Variants in RERE observed in about 807,000 individuals in gnomAD.
RERE encodes arginine-glutamic acid dipeptide repeats.
A neutral mutation model predicts 146.1 loss-of-function variants in RERE; 40 were observed. That is an observed-to-expected ratio of 0.27 (90% CI 0.21 to 0.36). The LOEUF is 0.36. Among genes scored for constraint, RERE ranks in the 10% least tolerant of loss-of-function variants. The pLI is 1.00. For missense variants in RERE, 1,933 were observed against 2,138.7 expected, an observed-to-expected ratio of 0.90 and a Z score of 1.90; for synonymous variants, 1,003 against 866.0, an observed-to-expected ratio of 1.16 and a Z score of -2.78.
intron 1 of RERE, among the ~76,000 whole-genome samples, chr1:8,771,459 G>A (rs1640947829): frequency 6.6e-6 from 1 of 151,218 alleles, no homozygotes; most frequent in African/African-American, 2.4e-5. Flanking sequence ...AGGAGGCAGA[G>A]GTTGCAGTGA....
intron 1 of RERE, among the ~76,000 whole-genome samples, chr1:8,780,487 C>A (rs1308376511): frequency 6.6e-6 from 1 of 152,194 alleles, no homozygotes; most frequent in East Asian, 1.9e-4. Context: ...CATCCTTGAA[C>A]CACTTTACAA....
chr1:8,725,875 T>G (rs1301862873), intron 1 of RERE, among the ~76,000 whole-genome samples: 2 of 152,092 alleles, frequency 1.3e-5, no homozygotes, highest in Non-Finnish European at 2.9e-5. Flanking sequence ...TCTGAAAGGT[T>G]CAACATTAAC....
chr1:8,369,662 G>A (rs1005055013), intron 12 of RERE, among the ~76,000 whole-genome samples: 1 of 151,906 alleles, frequency 6.6e-6, no homozygotes, highest in Non-Finnish European at 1.5e-5. Flanking sequence ...TCCACTGCTG[G>A]TGGAAATACA....
chr1:8,442,110 C>T (rs1310881988), intron 11 of RERE, among the ~76,000 whole-genome samples: 1 of 152,144 alleles, frequency 6.6e-6, no homozygotes, highest in Admixed American at 6.5e-5. Context: ...ACTTGTCGGG[C>T]ATGGTGGCTC....
chr1:8,373,689 C>CAG, intron 12 of RERE, among the ~76,000 whole-genome samples: 1 of 152,178 alleles, frequency 6.6e-6, no homozygotes, highest in Non-Finnish European at 1.5e-5. Context: ...AACGCTGCTG[C>CAG]CGAGTGCAGT....
chr1:8,764,780 G>A (rs1640817547), intron 1 of RERE, among the ~76,000 whole-genome samples: 1 of 152,172 alleles, frequency 6.6e-6, no homozygotes, highest in African/African-American at 2.4e-5. Context: ...TTAGGGAAAT[G>A]CAAATCAAAA....
intron 1 of RERE, among the ~76,000 whole-genome samples, chr1:8,699,401 T>C (rs1200181503): frequency 1.3e-5 from 2 of 152,218 alleles, no homozygotes; most frequent in African/African-American, 4.8e-5. Context: ...ATGATAACAT[T>C]AAAAATTGAG....
chr1:8,401,038 C>CCTATATAT (rs1344568347), intron 12 of RERE, among the ~76,000 whole-genome samples: 1 of 57,486 alleles, frequency 1.7e-5, no homozygotes, highest in East Asian at 4.4e-4. Flanking sequence ...AAAAAAAAAC[C>CCTATATAT]ATATATATAT....
At position 8,695,587 on chromosome 1, in the gene RERE, TAAAAAAAAAAAA is replaced by T. The variant is rs34953565; in HGVS notation, c.-144-39158_-144-39147del. Among the ~76,000 whole-genome samples the T allele has an allele frequency of 2.4e-4, 9 of 36,742 alleles. No individual in the cohort carries two copies. In the South Asian group the frequency reaches 4.2e-3, roughly 17 times the overall value. The allele number at this position is 36,742 out of a possible 152,430, so 24.1% of individuals were successfully genotyped here. On this transcript the variant is annotated intron_variant, in intron 1 of 22. Coordinates refer to ENST00000400908, the MANE Select transcript of RERE (RefSeq NM_001042681.2). ...CAACATGGTGAAGCTCCATTTCTAC[TAAAAAAAAAAAA>T]AAAAAAAAAAAAAAAGCCAGGCATG...
chr1:8,561,442 A>G (rs975698875), intron 4 of RERE, among the ~76,000 whole-genome samples: 3 of 152,226 alleles, frequency 2.0e-5, no homozygotes, highest in African/African-American at 4.8e-5. Flanking sequence ...CTAGATTACA[A>G]TTAGGTAATC....
intron 1 of RERE, among the ~76,000 whole-genome samples, chr1:8,691,579 G>A (rs1446566015): frequency 1.3e-5 from 2 of 152,210 alleles, no homozygotes; most frequent in East Asian, 3.9e-4. Context: ...AGGCTTCAAA[G>A]GCTACATAAA....
intron 1 of RERE, among the ~76,000 whole-genome samples, chr1:8,768,732 T>C (rs1640891702): frequency 6.6e-6 from 1 of 152,192 alleles, no homozygotes; most frequent in African/African-American, 2.4e-5. Context: ...CACTCACTTA[T>C]GAATACATGT....
chr1:8,517,643 T>G (rs911533100), intron 7 of RERE, among the ~76,000 whole-genome samples: 1 of 152,138 alleles, frequency 6.6e-6, no homozygotes, highest in Non-Finnish European at 1.5e-5. Context: ...ACAACAATAA[T>G]GGTAAGTTGT....
intron 7 of RERE, among the ~76,000 whole-genome samples, chr1:8,532,744 G>A (rs980036377): frequency 7.2e-5 from 11 of 151,892 alleles, no homozygotes; most frequent in East Asian, 3.9e-4. Flanking sequence ...ACAGGTGCAC[G>A]CCACCCCACC....
At chr1:8,372,242 A>T (rs1443631430) in intron 12 of RERE, among the ~76,000 whole-genome samples, 1 of 152,206 alleles carries the variant, frequency 6.6e-6, no homozygotes, top group East Asian at 1.9e-4. Flanking sequence ...GCCCAGCATG[A>T]ACTGCTCAGA....
Position 8,701,287 on chromosome 1 carries a change from TAC to T in RERE, c.-144-44848_-144-44847del, listed in dbSNP as rs745905637. Among the ~76,000 whole-genome samples the T allele has an allele frequency of 7.3e-3, 685 of 93,606 alleles. 2 individuals carry two copies. Among genetic ancestry groups the T allele is most frequent in the Middle Eastern group, 0.012 (3 of 242 alleles). 61.4% of individuals were successfully genotyped at this position (93,606 alleles called of 152,430 possible). ...GGCACCGGGATGGGGGTGAGGGGAA[TAC>T]ACACACACACACACACACACACACA... On this transcript the variant is annotated intron_variant, in intron 1 of 22. Coordinates refer to ENST00000400908, the MANE Select transcript of RERE (RefSeq NM_001042681.2).
intron 1 of RERE, among the ~76,000 whole-genome samples, chr1:8,740,522 CTTT>C (rs531538979): frequency 1.3e-5 from 2 of 152,144 alleles, no homozygotes; most frequent in African/African-American, 2.4e-5. Flanking sequence ...TTTACTGTAA[CTTT>C]TTTACTTTAT....
intron 1 of RERE, among the ~76,000 whole-genome samples, chr1:8,803,490 G>T (rs577301544): frequency 2.6e-5 from 4 of 152,040 alleles, no homozygotes; most frequent in African/African-American, 9.6e-5. Flanking sequence ...TAAAAAAAAA[G>T]AAGTCACTGT....
At chr1:8,728,941 T>G (rs1569650189) in intron 1 of RERE, among the ~76,000 whole-genome samples, 1 of 152,076 alleles carries the variant, frequency 6.6e-6, no homozygotes, top group Non-Finnish European at 1.5e-5. Flanking sequence ...CCGAGGCAGG[T>G]GATCATCCGA....
Sources: gnomAD v4.1 joint callset for allele counts (sites outside exome capture counted in the v4.1 genomes callset) on GRCh38, gnomAD v4.1.1 for gene constraint, MANE v1.5 for transcripts, NCBI Gene and HGNC (gene_info 2026-07-23, HGNC 2026-07-21) for gene names.